HSPA8: variants seen among roughly 807,000 people sequenced by gnomAD.
HSPA8 encodes the protein heat shock cognate 71 kDa protein.
A neutral mutation model predicts 52.8 loss-of-function variants in HSPA8; 2 were observed. That is an observed-to-expected ratio of 0.04 (90% CI 0.02 to 0.12). The LOEUF is 0.12. Ranked by LOEUF, HSPA8 falls within the 10% of genes least tolerant of loss-of-function variation. The pLI is 1.00. For missense variants in HSPA8, 349 were observed against 800.5 expected, an observed-to-expected ratio of 0.44 and a Z score of 6.81; for synonymous variants, 436 against 274.0, an observed-to-expected ratio of 1.59 and a Z score of -5.84.
chr11:123,058,537 A>G (rs879416166), intron 7 of HSPA8, 53 bp from the exon 8 acceptor site: 24 of 1,584,092 alleles, frequency 1.5e-5, no homozygotes, highest in Admixed American at 3.3e-5. Flanking sequence ...GTGTATGTGT[A>G]ACTCTAGTTT....
intron 8 of HSPA8, 65 bp downstream of exon 8, chr11:123,058,187 T>C (rs1190780194): frequency 3.9e-6 from 4 of 1,028,948 alleles, no homozygotes; most frequent in Non-Finnish European, 4.4e-6. Flanking sequence ...CAGCTCAAGC[T>C]TGGTTTACCA....
chr11:123,057,911 C>CTTAAGACATCTTAATGAA lies in HSPA8; in HGVS notation c.1763_1764insTTCATTAAGATGTCTTAA (p.Glu588delinsAspSerLeuArgCysLeuLys). On this transcript the variant is annotated protein_altering_variant, in exon 9 of 9. Transcript: ENST00000534624. The stretch of plus-strand genomic sequence containing the variant: ...TCTGTTGATGTTCAAATTCTTCCTT[C>CTTAAGACATCTTAATGAA]TCAGCAGTCTGAGGAAGAGAAAAAG... 1 of 1,606,638 alleles carries CTTAAGACATCTTAATGAA rather than the reference C, an allele frequency of 6.2e-7. No homozygotes were observed. Among genetic ancestry groups the CTTAAGACATCTTAATGAA allele is most frequent in the Non-Finnish European group, 8.5e-7 (1 of 1,177,204 alleles).
chr11:123,059,015 T>A (rs753270496), intron 6 of HSPA8, 44 bp downstream of exon 6: 5 of 1,542,480 alleles, frequency 3.2e-6, no homozygotes, highest in Non-Finnish European at 4.5e-6. Flanking sequence ...GACTTCCCTT[T>A]ATCTGTTATC....
At chr11:123,061,552 A>T (rs748323286) in intron 1 of HSPA8, 7 of 573,312 alleles carry the variant, frequency 1.2e-5, no homozygotes, top group Non-Finnish European at 2.2e-5. Flanking sequence ...CCATCTACCC[A>T]GACGGCGTGG....
chr11:123,060,951 T>C, intron 2 of HSPA8, 153 bp from the exon 3 acceptor site: 2 of 874,226 alleles, frequency 2.3e-6, no homozygotes, highest in Non-Finnish European at 3.6e-6. Flanking sequence ...TCCTACGTTA[T>C]CCAGATTTCA....
At chr11:123,058,505 A>G (rs1300968630) in intron 7 of HSPA8, 21 bp from the exon 8 acceptor site, 1 of 1,608,242 alleles carries the variant, frequency 6.2e-7, no homozygotes, top group South Asian at 1.1e-5. Context: ...AATTAACTCT[A>G]AGTAAAAGCC....
chr11:123,058,888 G>C, intron 6 of HSPA8, 58 bp from the exon 7 acceptor site: 2 of 1,528,974 alleles, frequency 1.3e-6, no homozygotes, highest in Non-Finnish European at 1.8e-6. Flanking sequence ...ACAGTGCTAG[G>C]GTCCTGCTAA....
rs1865413019 is a variant in HSPA8, at chr11:123,059,140, G to A, written c.1242C>T (p.Ile414=). The A allele has an allele frequency of 6.2e-7, 1 of 1,612,180 alleles. No individual in the cohort carries two copies. The highest frequency in any genetic ancestry group is 8.5e-7 in the Non-Finnish European group (1 of 1,179,968). The change falls in exon 6 of 9, where the codon ATC becomes ATT. Residue 414 remains isoleucine, a synonymous_variant. Coordinates refer to ENST00000534624, the MANE Select transcript of HSPA8 (RefSeq NM_006597.6). Reference sequence around the variant, plus strand: ...TGGTAGGAATGGTGGTATTACGCTTGATGAGGACAGTCATGACTCCACCAG... The same window carrying A: ...TGGTAGGAATGGTGGTATTACGCTTAATGAGGACAGTCATGACTCCACCAG... The part of the protein sequence containing the change: ...ETAGGVMTVL[I]KRNTTIPTKQ...
Position 123,060,792 on chromosome 11 carries a change from T to C in HSPA8, c.212A>G (p.Lys71Arg). Residue 71 changes from lysine (K) to arginine (R), a missense_variant, in exon 3 of 9, where the codon AAA becomes AGA. Coordinates refer to ENST00000534624, the MANE Select transcript of HSPA8 (RefSeq NM_006597.6). ...MNPTNTVFDA[K>R]RLIGRRFDDA... ...ATCAAATCTGCGTCCAATCAGACGT[T>C]TGGCATCTGTAAAAGGTGTCAAATG... is the stretch of plus-strand genomic sequence containing the variant. 1 of 1,612,134 alleles carries C rather than the reference T, an allele frequency of 6.2e-7. No individual in the cohort carries two copies. Among genetic ancestry groups the C allele is most frequent in the Non-Finnish European group, 8.5e-7 (1 of 1,179,778 alleles).
upstream of HSPA8, chr11:123,062,305 G>T: frequency 6.6e-6 from 1 of 152,540 alleles, no homozygotes; most frequent in Non-Finnish European, 1.5e-5. Flanking sequence ...GCCCCCTTCC[G>T]CACCCACCCC....
chr11:123,060,290 C>T (rs766735328), intron 3 of HSPA8, 22 bp from the exon 4 acceptor site: 3 of 1,609,464 alleles, frequency 1.9e-6, no homozygotes, highest in East Asian at 2.2e-5. Context: ...GAAAAGACCA[C>T]AGATTGGTAA....
chr11:123,060,300 A>G, intron 3 of HSPA8, 32 bp from the exon 4 acceptor site: 1 of 1,601,670 alleles, frequency 6.2e-7, no homozygotes. Context: ...CAGATTGGTA[A>G]CTATTATACT....
chr11:123,061,016 G>C lies in HSPA8; in HGVS notation c.205+104C>G. ...AACAGACTTGATAACAAGTCTCTCA[G>C]CTCAGTTTTTCTAAAATCAAAAAGT... On this transcript the variant is annotated intron_variant, in intron 2 of 8. Transcript: ENST00000534624. 7.8e-6 allele frequency: 8 copies of C among 1,026,864 alleles called. No individual in the cohort carries two copies. In the South Asian group the frequency reaches 1.1e-4, roughly 15 times the overall value. 63.6% of individuals were successfully genotyped at this position (1,026,864 alleles called of 1,614,324 possible). A position where few individuals can be genotyped will look rare whatever the true frequency, so the allele number is the denominator to read the frequency against.
Position 123,059,730 on chromosome 11 carries a change from T to C in HSPA8, c.863A>G (p.Tyr288Cys), listed in dbSNP as rs1446357941. The C allele has an allele frequency of 5.6e-6, 9 of 1,613,766 alleles. No individual in the cohort carries two copies. The highest frequency in any genetic ancestry group is 2.2e-5 in the East Asian group (1 of 44,896). Residue 288 changes from tyrosine to cysteine, a missense_variant, in exon 5 of 9, where the codon TAT (tyrosine) becomes TGT (cysteine). Tyr to Cys is a radical substitution (Grantham distance 194, BLOSUM62 -2). Transcript: ENST00000534624. ...GGAGGTATAGAAGTCGATTCCTTCATAGAGAGAATCGATCTCAATACTGGC... is the reference window on the plus strand; with the variant it reads ...GGAGGTATAGAAGTCGATTCCTTCACAGAGAGAATCGATCTCAATACTGGC... ...TQASIEIDSL[Y>C]EGIDFYTSIT...
chr11:123,059,879 G>C lies in HSPA8; in HGVS notation c.714C>G (p.Val238=). The C allele has an allele frequency of 3.1e-6, 5 of 1,613,324 alleles. No homozygotes were observed. The highest frequency in any genetic ancestry group is 4.2e-6 in the Non-Finnish European group (5 of 1,179,922). Residue 238 remains valine, a synonymous_variant, in exon 5 of 9, where the codon GTC becomes GTG. Transcript: ENST00000534624. ...LGGEDFDNRM[V]NHFIAEFKRK... is the part of the protein sequence containing the mutation. ...GCTTAAACTCAGCAATAAAATGGTTGACCATTCGGTTGTCAAAATCTTCTC... is the reference window on the plus strand; with the variant it reads ...GCTTAAACTCAGCAATAAAATGGTTCACCATTCGGTTGTCAAAATCTTCTC...
rs565779957 is a variant in HSPA8 at position 123,061,347 on chromosome 11, C to G, written c.-5-18G>C. 2 of 1,591,238 alleles carry G rather than the reference C, an allele frequency of 1.3e-6. No individual in the cohort carries two copies. Among genetic ancestry groups the G allele is most frequent in the Non-Finnish European group, 1.7e-6 (2 of 1,160,834 alleles). On this transcript the variant is annotated intron_variant, in intron 1 of 8. Coordinates refer to ENST00000534624, the MANE Select transcript of HSPA8 (RefSeq NM_006597.6). The stretch of plus-strand genomic sequence containing the variant: ...CATGGTTGCTGAAAAAAAGAAAAAT[C>G]TGGTTTAAAAATTCAATTAATCAAA...
At chr11:123,060,532 C>CGGGAGTCA (rs1865464967) in intron 3 of HSPA8, 61 bp downstream of exon 3, 1 of 1,273,288 alleles carries the variant, frequency 7.9e-7, no homozygotes, top group Middle Eastern at 1.9e-4. Flanking sequence ...CCAGTGCCCC[C>CGGGAGTCA]GGGAGTCATC....
At chr11:123,058,122 G>T in intron 8 of HSPA8, 130 bp downstream of exon 8, 1 of 738,708 alleles carries the variant, frequency 1.4e-6, no homozygotes, top group East Asian at 2.6e-5. Context: ...CTTGAATTCT[G>T]GTGGAAACCG....
chr11:123,059,714 G>C lies in HSPA8; in HGVS notation c.879C>G (p.Phe293Leu). ...EIDSLYEGID[F>L]YTSITRARFE... is the part of the protein sequence containing the mutation. ...ATCGGGCACGGGTAATGGAGGTATA[G>C]AAGTCGATTCCTTCATAGAGAGAAT... is the stretch of plus-strand genomic sequence containing the variant. The change falls in exon 5 of 9, where the codon TTC becomes TTG. Residue 293 changes from phenylalanine (F) to leucine (L), a missense_variant. Phe to Leu is a conservative substitution (Grantham distance 22). Transcript: ENST00000534624. The C allele has an allele frequency of 1.2e-6, 2 of 1,613,940 alleles. No individual in the cohort carries two copies. The highest frequency in any genetic ancestry group is 1.7e-6 in the Non-Finnish European group (2 of 1,179,880).
Sources: allele counts gnomAD v4.1 joint callset, GRCh38; gene constraint gnomAD v4.1.1; transcripts MANE v1.5; gene names NCBI Gene and HGNC (gene_info 2026-07-23, HGNC 2026-07-21).